UCHL5: variants seen among roughly 807,000 people sequenced by gnomAD.
UCHL5 encodes ubiquitin C-terminal hydrolase L5.
A neutral mutation model predicts 53.8 loss-of-function variants in UCHL5; 34 were observed. That is an observed-to-expected ratio of 0.63 (90% CI 0.48 to 0.84). The LOEUF is 0.84. Ranked by LOEUF, UCHL5 falls within the 40% of genes least tolerant of loss-of-function variation. The pLI is 0.00. For synonymous variants in UCHL5, 111 were observed against 126.3 expected, an observed-to-expected ratio of 0.88 and a Z score of 0.81; for missense variants, 290 against 385.6, an observed-to-expected ratio of 0.75 and a Z score of 2.08.
chr1:193,029,980 A>G (rs1660767961), intron 3 of UCHL5, among the ~76,000 whole-genome samples: 1 of 152,150 alleles, frequency 6.6e-6, no homozygotes, highest in South Asian at 2.1e-4. Flanking sequence ...CCCCTCTCCT[A>G]TTCATTTCCT....
At chr1:193,028,022 T>A in intron 7 of UCHL5, 63 bp downstream of exon 7, 2 of 1,578,832 alleles carry the variant, frequency 1.3e-6, no homozygotes, top group Non-Finnish European at 8.5e-7. Context: ...AACAATAAAA[T>A]ACAAGTTTAA....
chr1:193,047,689 T>A (rs1667780787), intron 3 of UCHL5, among the ~76,000 whole-genome samples: 1 of 152,182 alleles, frequency 6.6e-6, no homozygotes, highest in African/African-American at 2.4e-5. Flanking sequence ...CAAAGTATTA[T>A]CTATGGCTCT....
rs1305689717 is a variant in UCHL5 at position 193,015,473 on chromosome 1, T to C, written c.*878A>G. ...CAATTGTGAGCAAATTACATATGGC[T>C]CTTGAAAACTGCAGGCTGTACGAAA... On this transcript the variant is annotated 3_prime_UTR_variant, in exon 11 of 11. Transcript: ENST00000367454. The C allele has an allele frequency of 6.6e-6, 1 of 152,000 alleles. No homozygotes were observed. The highest frequency in any genetic ancestry group is 1.5e-5 in the Non-Finnish European group (1 of 67,912). 9.4% of individuals were successfully genotyped at this position (152,000 alleles called of 1,614,324 possible).
intron 3 of UCHL5, among the ~76,000 whole-genome samples, chr1:193,044,131 C>T (rs1014406365): frequency 6.6e-6 from 1 of 152,126 alleles, no homozygotes; most frequent in South Asian, 2.1e-4. Context: ...GTGGACAGTT[C>T]CTAAACTTCG....
chr1:193,051,563 C>T (rs1235905321), intron 2 of UCHL5, among the ~76,000 whole-genome samples, 191 bp downstream of exon 2: 1 of 150,412 alleles, frequency 6.6e-6, no homozygotes, highest in Non-Finnish European at 1.5e-5. Context: ...TTGCAAGTTA[C>T]CTATCAGCCT....
intron 10 of UCHL5, chr1:193,019,771 TTTAC>T: frequency 1.4e-6 from 1 of 738,032 alleles, no homozygotes; most frequent in South Asian, 6.2e-5. Flanking sequence ...CAGTGGTTCT[TTTAC>T]TTACTAATTT....
intron 3 of UCHL5, among the ~76,000 whole-genome samples, chr1:193,030,717 T>C (rs1174756405): frequency 6.6e-6 from 1 of 152,194 alleles, no homozygotes; most frequent in Non-Finnish European, 1.5e-5. Context: ...TTTTACATTT[T>C]AGTAAATTAT....
chr1:193,038,472 C>A (rs1003221374), intron 3 of UCHL5, among the ~76,000 whole-genome samples: 4 of 144,120 alleles, frequency 2.8e-5, no homozygotes, highest in South Asian at 2.2e-4. Flanking sequence ...AAAAAAAAAA[C>A]CACAGTCTTT....
chr1:193,021,586 TTA>T (rs1326452466), intron 9 of UCHL5, among the ~76,000 whole-genome samples: 1 of 152,214 alleles, frequency 6.6e-6, no homozygotes, highest in Non-Finnish European at 1.5e-5. Flanking sequence ...TTCCTTCAGA[TTA>T]TTTTTTATCG....
chr1:193,026,608 G>C (rs924213862), intron 7 of UCHL5, among the ~76,000 whole-genome samples: 3 of 151,842 alleles, frequency 2.0e-5, no homozygotes, highest in Non-Finnish European at 4.4e-5. Flanking sequence ...ATGCTAAAAA[G>C]GATGCAGAGG....
chr1:193,027,036 T>C (rs1050501981), intron 7 of UCHL5, among the ~76,000 whole-genome samples: 1 of 152,074 alleles, frequency 6.6e-6, no homozygotes, highest in Non-Finnish European at 1.5e-5. Context: ...ATTCTTTAAA[T>C]GACAAAAATT....
At chr1:193,042,412 A>G (rs929442145) in intron 3 of UCHL5, among the ~76,000 whole-genome samples, 1 of 152,214 alleles carries the variant, frequency 6.6e-6, no homozygotes, top group African/African-American at 2.4e-5. Context: ...TAAACCAATC[A>G]TATATATGTG....
intron 1 of UCHL5, among the ~76,000 whole-genome samples, chr1:193,058,874 G>A (rs1194968019): frequency 6.6e-6 from 1 of 152,212 alleles, no homozygotes; most frequent in Non-Finnish European, 1.5e-5. Flanking sequence ...AGGGCAATAC[G>A]TGCTTAAGAG....
Position 193,012,626 on chromosome 1 carries a change from T to C in UCHL5, c.*3725A>G, listed in dbSNP as rs960161408. On this transcript the variant is annotated 3_prime_UTR_variant, in exon 11 of 11. Coordinates refer to ENST00000367454, the MANE Select transcript of UCHL5 (RefSeq NM_001199261.3). ...AAAAAATTATCTTCATTTAGGTCTC[T>C]ACTTAAAGTACATCTCATTAATGGG... 1 of 152,232 alleles carries C rather than the reference T, an allele frequency of 6.6e-6. No individual in the cohort carries two copies. Among genetic ancestry groups the C allele is most frequent in the Non-Finnish European group, 1.5e-5 (1 of 68,036 alleles). The allele number at this position is 152,232 out of a possible 1,614,324, so 9.4% of individuals were successfully genotyped here. A position where few individuals can be genotyped will look rare whatever the true frequency, so the allele number is the denominator to read the frequency against.
At chr1:193,039,677 C>A (rs1664850558) in intron 3 of UCHL5, among the ~76,000 whole-genome samples, 1 of 152,066 alleles carries the variant, frequency 6.6e-6, no homozygotes, top group African/African-American at 2.4e-5. Flanking sequence ...ACAAAAGACC[C>A]GAGATGGCCA....
intron 3 of UCHL5, among the ~76,000 whole-genome samples, chr1:193,040,004 A>T (rs903568430): frequency 6.6e-6 from 1 of 152,224 alleles, no homozygotes; most frequent in Non-Finnish European, 1.5e-5. Flanking sequence ...ATCAAAATGG[A>T]TTAAAGACTT....
Position 193,029,396 on chromosome 1 carries a change from A to G in UCHL5, c.426T>C (p.Ser142=). 6.2e-7 allele frequency: 1 copy of G among 1,613,774 alleles called. No individual in the cohort carries two copies. The highest frequency in any genetic ancestry group is 1.1e-5 in the South Asian group (1 of 91,064). The part of the protein sequence containing the change: ...NSDVIRQVHN[S]FARQQMFEFD... Reference sequence around the variant, plus strand: ...ACATAAAGTCTCTTTACCTGGCGAAACTGTTGTGTACTTGTCGAATCACAT... The same window carrying G: ...ACATAAAGTCTCTTTACCTGGCGAAGCTGTTGTGTACTTGTCGAATCACAT... The change falls in exon 5 of 11, where the codon AGT becomes AGC. Residue 142 remains serine, a synonymous_variant. Transcript: ENST00000367454.
chr1:193,048,476 G>A (rs1668018356), intron 3 of UCHL5, among the ~76,000 whole-genome samples: 1 of 152,194 alleles, frequency 6.6e-6, no homozygotes, highest in Admixed American at 6.5e-5. Flanking sequence ...AGATCCATTT[G>A]AAGGGCAACA....
chr1:193,020,059 T>G, intron 10 of UCHL5: 1 of 984,952 alleles, frequency 1.0e-6, no homozygotes, highest in Non-Finnish European at 1.2e-6. Context: ...TTTCCCATCT[T>G]AGAATACACC....
Sources: gnomAD v4.1 joint callset for allele counts (sites outside exome capture counted in the v4.1 genomes callset) on GRCh38, gnomAD v4.1.1 for gene constraint, MANE v1.5 for transcripts, NCBI Gene and HGNC (gene_info 2026-07-23, HGNC 2026-07-21) for gene names.